FAM135B: variants seen among roughly 807,000 people sequenced by gnomAD.
The protein encoded by FAM135B is family with sequence similarity 135 member B.
A neutral mutation model predicts 127.7 loss-of-function variants in FAM135B; 43 were observed. That is an observed-to-expected ratio of 0.34 (90% CI 0.26 to 0.43). The LOEUF (loss-of-function observed/expected upper bound fraction) is 0.43. FAM135B is among the 20% of genes least tolerant of loss of function. FAM135B has a pLI of 1.00. For missense variants in FAM135B, 1,558 were observed against 1,725.6 expected, an observed-to-expected ratio of 0.90 and a Z score of 1.72; for synonymous variants, 670 against 665.1, an observed-to-expected ratio of 1.01 and a Z score of -0.11.
At chr8:138,333,301 T>G (rs983422275) in intron 2 of FAM135B, among the ~76,000 whole-genome samples, 1 of 152,136 alleles carries the variant, frequency 6.6e-6, no homozygotes, top group African/African-American at 2.4e-5. Flanking sequence ...GTCTCTGAGG[T>G]TGGGTCTTTC....
chr8:138,409,502 A>T (rs10111584), intron 1 of FAM135B, among the ~76,000 whole-genome samples: 58,670 of 151,952 alleles, frequency 0.39, 11,910 homozygotes, highest in African/African-American at 0.52. Flanking sequence ...AAAAAATAAA[A>T]GGTGCCAATA....
At chr8:138,310,711 G>A (rs188972755) in intron 3 of FAM135B, 130 bp downstream of exon 3, 74 of 738,428 alleles carry the variant, frequency 1.0e-4, no homozygotes, top group African/African-American at 5.9e-4. Context: ...TCCAAAATTC[G>A]CCATCCAACA....
intron 11 of FAM135B, among the ~76,000 whole-genome samples, chr8:138,176,466 C>T (rs1159123327): frequency 6.6e-6 from 1 of 152,206 alleles, no homozygotes; most frequent in East Asian, 1.9e-4. Context: ...GAGTGAATGA[C>T]CGTAGAAATT....
At chr8:138,489,384 G>A (rs1815116213) in intron 1 of FAM135B, among the ~76,000 whole-genome samples, 1 of 152,128 alleles carries the variant, frequency 6.6e-6, no homozygotes, top group South Asian at 2.1e-4. Context: ...TATTTCTCAA[G>A]TTGGTCCTCC....
At chr8:138,423,104 A>T (rs113459327) in intron 1 of FAM135B, among the ~76,000 whole-genome samples, 67 of 152,292 alleles carry the variant, frequency 4.4e-4, no homozygotes, top group African/African-American at 1.5e-3. Flanking sequence ...AACAGACACC[A>T]GGGCTTACAT....
chr8:138,153,653 T>G (rs1346282356), intron 12 of FAM135B, among the ~76,000 whole-genome samples: 1 of 152,206 alleles, frequency 6.6e-6, no homozygotes, highest in African/African-American at 2.4e-5. Context: ...CGCACCTGGC[T>G]TGGAGGGTCC....
rs776585805 is a variant in FAM135B at position 138,152,166 on chromosome 8, GACTTGGTTA to G, written c.2300_2308del (p.Leu767_Lys769del). The G allele has an allele frequency of 1.2e-6, 2 of 1,614,056 alleles. No individual in the cohort carries two copies. Among genetic ancestry groups the G allele is most frequent in the South Asian group, 2.2e-5 (2 of 91,074 alleles). On this transcript the variant is annotated inframe_deletion, in exon 13 of 20. Transcript: ENST00000395297. ...GCTACTGATGTGGGGAGCAGATACAGACTTGGTTAACTTAGTGAGTGCCACCTCCCGCTC... is the reference window on the plus strand; with the variant it reads ...GCTACTGATGTGGGGAGCAGATACAGACTTAGTGAGTGCCACCTCCCGCTC...
At chr8:138,310,797 T>A (rs2130891974) in intron 3 of FAM135B, 44 bp downstream of exon 3, 1 of 1,570,948 alleles carries the variant, frequency 6.4e-7, no homozygotes. Flanking sequence ...CAAAGGGAGG[T>A]TCGCCATTGG....
At chr8:138,438,426 C>A (rs1458001053) in intron 1 of FAM135B, 1 of 152,038 alleles carries the variant, frequency 6.6e-6, no homozygotes, top group South Asian at 2.1e-4. Flanking sequence ...CAAATACCAG[C>A]TAAATCTTGA....
intron 1 of FAM135B, among the ~76,000 whole-genome samples, chr8:138,460,745 A>G (rs1837076400): frequency 6.6e-6 from 1 of 152,182 alleles, no homozygotes; most frequent in Admixed American, 6.5e-5. Context: ...GACAAGGAAG[A>G]AAAATGGCTG....
intron 1 of FAM135B, among the ~76,000 whole-genome samples, chr8:138,470,397 T>C (rs1252702704): frequency 6.6e-6 from 1 of 152,218 alleles, no homozygotes; most frequent in Non-Finnish European, 1.5e-5. Flanking sequence ...TCTCAGTATA[T>C]TTAAAGGCAG....
At chr8:138,477,360 G>A (rs11984474) in intron 1 of FAM135B, 2,141 of 152,172 alleles carry the variant, frequency 0.014, 56 homozygotes, top group East Asian at 0.12. Flanking sequence ...AAGCTCAGCC[G>A]CAGAGTCACC....
intron 2 of FAM135B, among the ~76,000 whole-genome samples, chr8:138,341,565 G>A (rs1234455105): frequency 6.6e-6 from 1 of 151,990 alleles, no homozygotes; most frequent in East Asian, 1.9e-4. Flanking sequence ...CATTTAAAAT[G>A]GCTAAAATGA....
chr8:138,304,705 G>A (rs1232321493), intron 3 of FAM135B, among the ~76,000 whole-genome samples: 2 of 152,236 alleles, frequency 1.3e-5, no homozygotes, highest in Non-Finnish European at 2.9e-5. Context: ...TAGTTGGCCA[G>A]CAGGTATCAT....
intron 1 of FAM135B, among the ~76,000 whole-genome samples, chr8:138,399,941 A>T (rs1390651599): frequency 6.6e-6 from 1 of 152,230 alleles, no homozygotes; most frequent in African/African-American, 2.4e-5. Flanking sequence ...TTGTAGGAAG[A>T]GCATACCCTT....
chr8:138,359,807 ATGG>A (rs1313917326), intron 2 of FAM135B, among the ~76,000 whole-genome samples: 1 of 152,190 alleles, frequency 6.6e-6, no homozygotes, highest in East Asian at 1.9e-4. Flanking sequence ...TTAGGCAGTG[ATGG>A]GACACATCAG....
intron 11 of FAM135B, among the ~76,000 whole-genome samples, chr8:138,176,327 T>C (rs988161757): frequency 6.6e-6 from 1 of 152,256 alleles, no homozygotes; most frequent in Non-Finnish European, 1.5e-5. Context: ...GATCTTGATA[T>C]GCAATATTTT....
chr8:138,470,029 A>T (rs931385537), intron 1 of FAM135B, among the ~76,000 whole-genome samples: 1 of 152,218 alleles, frequency 6.6e-6, no homozygotes, highest in Non-Finnish European at 1.5e-5. Context: ...TCTCCTCGAC[A>T]TGGAGTATGC....
At chr8:138,153,375 G>A (rs921501406) in intron 12 of FAM135B, among the ~76,000 whole-genome samples, 159 bp from the exon 13 acceptor site, 4 of 152,160 alleles carry the variant, frequency 2.6e-5, no homozygotes, top group African/African-American at 4.8e-5. Flanking sequence ...CAGTGTGAGC[G>A]ATGCAGAAGA....
Sources: allele counts gnomAD v4.1 joint callset (sites outside exome capture counted in the v4.1 genomes callset), GRCh38; gene constraint gnomAD v4.1.1; transcripts MANE v1.5; gene names NCBI Gene and HGNC (gene_info 2026-07-23, HGNC 2026-07-21).